PPP2R3B: variants seen among roughly 807,000 people sequenced by gnomAD.
PPP2R3B encodes the protein serine/threonine-protein phosphatase 2A regulatory subunit B'' subunit beta.
PPP2R3B carries 68 observed loss-of-function variants against 72.9 expected under a neutral mutation model. The ratio of observed to expected loss-of-function variants is 0.93; its 90% CI spans 0.77 to 1.14. The LOEUF is 1.14. Among genes scored for constraint, PPP2R3B ranks in the 50% most tolerant of loss-of-function variants. The pLI, the probability that PPP2R3B is intolerant of heterozygous loss-of-function variation, is 0.00. For synonymous variants in PPP2R3B, 466 were observed against 375.8 expected (o/e 1.24, Z -2.78); for missense variants, 1,018 against 842.0 (o/e 1.21, Z -2.59).
chrX:336,017 AAGT>A (rs1191835987), intron 12 of PPP2R3B: 3 of 152,024 alleles, frequency 2.0e-5, no homozygotes, highest in African/African-American at 4.8e-5. Context: ...AAATACAAAA[AAGT>A]AGCCGGGTGT....
At chrX:350,493 C>G (rs2071307159) in intron 2 of PPP2R3B, among the ~76,000 whole-genome samples, 2 of 152,182 alleles carry the variant, frequency 1.3e-5, no homozygotes, top group South Asian at 4.1e-4. Flanking sequence ...TGACGAGGGA[C>G]TCAGAGGCAG....
rs148086983 is a variant in PPP2R3B, at chrX:334,442, G to A, written c.1653C>T (p.Phe551=). The change falls in exon 13 of 13, where the codon TTC becomes TTT. Residue 551 remains phenylalanine, a synonymous_variant. Transcript: ENST00000390665. ...CGGCGCCCAGCGGTGAGGGCGCCTCGAAGAAGGGCCTCTGGGCCAGCGGGG... is the reference window on the plus strand; with the variant it reads ...CGGCGCCCAGCGGTGAGGGCGCCTCAAAGAAGGGCCTCTGGGCCAGCGGGG... ...LRSPLAQRPF[F]EAPSPLGAVD... The A allele has an allele frequency of 1.2e-3, 1,843 of 1,595,670 alleles. 11 individuals carry two copies. Among genetic ancestry groups the A allele is most frequent in the African/African-American group, 1.1e-3 (82 of 73,964 alleles).
At chrX:370,455 TG>T (rs936037990) in intron 1 of PPP2R3B, among the ~76,000 whole-genome samples, 2 of 152,030 alleles carry the variant, frequency 1.3e-5, no homozygotes, top group Non-Finnish European at 2.9e-5. Flanking sequence ...AAGGCTGGGC[TG>T]GGGGACGTGG....
intron 2 of PPP2R3B, among the ~76,000 whole-genome samples, chrX:359,059 G>T (rs2071492410): frequency 6.6e-6 from 1 of 152,234 alleles, no homozygotes; most frequent in Non-Finnish European, 1.5e-5. Flanking sequence ...TCACTGGGCT[G>T]CGCGAGCGGC....
At chrX:375,573 A>G (rs113015439) in intron 1 of PPP2R3B, among the ~76,000 whole-genome samples, 428 of 100,636 alleles carry the variant, frequency 4.3e-3, no homozygotes, top group Middle Eastern at 0.024. Flanking sequence ...AACTCACAGG[A>G]CAGAGGTGCC....
At chrX:346,054 G>A (rs1484900054) in intron 6 of PPP2R3B, 120 bp downstream of exon 6, 15 of 538,636 alleles carry the variant, frequency 2.8e-5, no homozygotes, top group Non-Finnish European at 4.6e-5. Flanking sequence ...TGGGGGTGGG[G>A]GTGGGGGTGG....
chrX:351,485 CAT>C (rs2071331861), intron 2 of PPP2R3B, among the ~76,000 whole-genome samples: 1 of 152,252 alleles, frequency 6.6e-6, no homozygotes, highest in Non-Finnish European at 1.5e-5. Flanking sequence ...TATAGCGTCT[CAT>C]GTGTCCAGAC....
chrX:354,109 AAC>A (rs1197162129), intron 2 of PPP2R3B, among the ~76,000 whole-genome samples: 1 of 114,888 alleles, frequency 8.7e-6, no homozygotes, highest in Admixed American at 9.4e-5. Flanking sequence ...GGCTCGCCCA[AAC>A]ACAGGGGGCT....
chrX:352,458 C>T (rs916948096), intron 2 of PPP2R3B, among the ~76,000 whole-genome samples: 2 of 152,188 alleles, frequency 1.3e-5, no homozygotes, highest in African/African-American at 2.4e-5. Flanking sequence ...ACCCGGCCAT[C>T]TGCGGACTTT....
At chrX:336,518 C>G (rs2070893198) in intron 12 of PPP2R3B, 1 of 152,270 alleles carries the variant, frequency 6.6e-6, no homozygotes, top group Non-Finnish European at 1.5e-5. Context: ...ACATCCACCA[C>G]ATCTCCCTGC....
chrX:385,334 T>C (rs1198431640), intron 1 of PPP2R3B, among the ~76,000 whole-genome samples: 2 of 131,934 alleles, frequency 1.5e-5, no homozygotes, highest in African/African-American at 6.3e-5. Context: ...TTTTTTTTTT[T>C]TTTTTTTTTT....
chrX:334,310 G>T lies in PPP2R3B; in HGVS notation c.*57C>A. 7.0e-7 allele frequency: 1 copy of T among 1,424,436 alleles called. No homozygotes were observed. The highest frequency in any genetic ancestry group is 9.2e-7 in the Non-Finnish European group (1 of 1,092,892). The allele number at this position is 1,424,436 out of a possible 1,614,324, so 88.2% of individuals were successfully genotyped here. A position where few individuals can be genotyped will look rare whatever the true frequency, so the allele number is the denominator to read the frequency against. On this transcript the variant is annotated 3_prime_UTR_variant, in exon 13 of 13. Transcript: ENST00000390665. ...CACAACAGTTTTTACACGAGCCGCGGTGGCCCGGTGGTGGCACGTGGGGAG... is the reference window on the plus strand; with the variant it reads ...CACAACAGTTTTTACACGAGCCGCGTTGGCCCGGTGGTGGCACGTGGGGAG...
rs1460491145 is a variant in PPP2R3B at position 347,422 on chromosome X, T to G, written c.615-86A>C. On this transcript the variant is annotated intron_variant, in intron 3 of 12. Transcript: ENST00000390665. ...CGCAGGGTGGAACACGTGTGTGGTGTTCCACGTGGTGCGTGGCAGGTGGCC... is the reference window on the plus strand; with the variant it reads ...CGCAGGGTGGAACACGTGTGTGGTGGTCCACGTGGTGCGTGGCAGGTGGCC... 2.1e-6 allele frequency: 3 copies of G among 1,400,028 alleles called. No homozygotes were observed. In the Admixed American group the frequency reaches 5.0e-5, roughly 24 times the overall value. The allele number at this position is 1,400,028 out of a possible 1,614,324, so 86.7% of individuals were successfully genotyped here.
At chrX:350,490 G>A (rs2071307058) in intron 2 of PPP2R3B, among the ~76,000 whole-genome samples, 1 of 152,194 alleles carries the variant, frequency 6.6e-6, no homozygotes, top group Non-Finnish European at 1.5e-5. Context: ...TTCTGACGAG[G>A]GACTCAGAGG....
At chrX:380,971 T>C (rs1178771105) in intron 1 of PPP2R3B, among the ~76,000 whole-genome samples, 1 of 151,598 alleles carries the variant, frequency 6.6e-6, no homozygotes, top group Non-Finnish European at 1.5e-5. Flanking sequence ...AGTCTCACTT[T>C]GTTGCCCCGG....
rs776129741 is a variant in PPP2R3B at position 342,082 on chromosome X, G to T, written c.1037-151C>A. 4 of 847,088 alleles carry T rather than the reference G, an allele frequency of 4.7e-6. No homozygotes were observed. In the African/African-American group the frequency reaches 6.7e-5, roughly 14 times the overall value. The allele number at this position is 847,088 out of a possible 1,614,324, so 52.5% of individuals were successfully genotyped here. ...CCCCGGGGCCCCGATGCCCCTGCAC[G>T]GCCCATCCTAGGGGCCCACCACGCT... On this transcript the variant is annotated intron_variant, in intron 7 of 12. Coordinates refer to ENST00000390665, the MANE Select transcript of PPP2R3B (RefSeq NM_013239.5).
Position 340,915 on chromosome X carries a change from C to A in PPP2R3B, c.1201G>T (p.Asp401Tyr), listed in dbSNP as rs1161286365. ...TSIEYWFRCM[D>Y]LDGDGALSMF... ...GACAGGGCGCCGTCCCCGTCCAGGT[C>A]CATGCAGCGGAACCAGTACTCGATG... The change falls in exon 10 of 13, where the codon GAC becomes TAC. Residue 401 changes from aspartate (D) to tyrosine (Y), a missense_variant. Transcript: ENST00000390665. 6.2e-7 allele frequency: 1 copy of A among 1,611,838 alleles called. No homozygotes were observed. Among genetic ancestry groups the A allele is most frequent in the African/African-American group, 1.3e-5 (1 of 75,022 alleles).
chrX:335,189 C>A (rs920500728), intron 12 of PPP2R3B: 9 of 151,338 alleles, frequency 5.9e-5, no homozygotes, highest in African/African-American at 2.2e-4. Context: ...GCAGTCGACC[C>A]CAGCGTGCTG....
rs776140450 is a variant in PPP2R3B at position 334,683 on chromosome X, C to T, written c.1578-166G>A. 2,049 of 814,648 alleles carry T rather than the reference C, an allele frequency of 2.5e-3. 7 individuals are homozygous for T. Among genetic ancestry groups the T allele is most frequent in the Non-Finnish European group, 3.1e-3 (1,808 of 577,252 alleles). 50.5% of individuals were successfully genotyped at this position (814,648 alleles called of 1,614,324 possible). ...CCAGCAACGCGCTCCTGGCTGAGGA[C>T]GCCGGCTCCACGAATGCTCCCGGGG... On this transcript the variant is annotated intron_variant, in intron 12 of 12. Transcript: ENST00000390665.
Sources: allele counts gnomAD v4.1 joint callset (sites outside exome capture counted in the v4.1 genomes callset), GRCh38; gene constraint gnomAD v4.1.1; transcripts MANE v1.5; gene names NCBI Gene and HGNC (gene_info 2026-07-23, HGNC 2026-07-21).